Variants in LCT observed in about 807,000 individuals in gnomAD.
The protein encoded by LCT is lactase.
LCT carries 90 observed loss-of-function variants against 173.0 expected under a neutral mutation model. That is an observed-to-expected ratio of 0.52 (90% CI 0.44 to 0.62). The LOEUF is 0.62. Ranked by LOEUF, LCT falls within the 20% of genes least tolerant of loss-of-function variation. The probability of loss-of-function intolerance (pLI) is 0.00; values close to 1 mark genes in which losing one functional copy is unlikely to be tolerated. For synonymous variants in LCT, 853 were observed against 957.6 expected (o/e 0.89, Z 2.02); for missense variants, 1,864 against 2,431.4 (o/e 0.77, Z 4.91).
chr2:135,824,786 T>G (rs1409047476), intron 3 of LCT, among the ~76,000 whole-genome samples: 1 of 152,058 alleles, frequency 6.6e-6, no homozygotes, highest in Non-Finnish European at 1.5e-5. Context: ...GCGGATCACC[T>G]GAGGTCAGGA....
intron 13 of LCT, among the ~76,000 whole-genome samples, 168 bp downstream of exon 13, chr2:135,797,860 AC>A (rs2077594842): frequency 6.6e-6 from 1 of 151,938 alleles, no homozygotes; most frequent in African/African-American, 2.4e-5. Context: ...ATAATAGCAA[AC>A]CCCTCTGTCA....
intron 6 of LCT, among the ~76,000 whole-genome samples, chr2:135,815,743 A>G (rs1451069829): frequency 6.6e-6 from 1 of 152,090 alleles, no homozygotes; most frequent in Non-Finnish European, 1.5e-5. Context: ...CAGGCTGCCC[A>G]GGCTGGAGTG....
At chr2:135,824,131 A>C in intron 3 of LCT, 128 bp from the exon 4 acceptor site, 2 of 713,112 alleles carry the variant, frequency 2.8e-6, no homozygotes, top group Non-Finnish European at 5.2e-6. Context: ...TAAGTATCTC[A>C]GTTAATTAAA....
intron 2 of LCT, among the ~76,000 whole-genome samples, chr2:135,831,168 G>A (rs76514447): frequency 0.015 from 2,334 of 152,304 alleles, 49 homozygotes; most frequent in African/African-American, 0.053. Flanking sequence ...TAAGGGTCCG[G>A]GTGGGGACAG....
rs141215335 is a variant in LCT, at chr2:135,793,545, G to C, written c.5111+1096C>G. ...GAAGGAACCAGAAATGTTAATTCTG[G>C]TAATATGACAAAACAAGGTTCTATA... On this transcript the variant is annotated intron_variant, in intron 14 of 16. Transcript: ENST00000264162. 2.0e-3 allele frequency among the ~76,000 whole-genome samples: 298 copies of C among 152,250 alleles called. 1 individual carries two copies. Among genetic ancestry groups the C allele is most frequent in the African/African-American group, 6.8e-3 (282 of 41,532 alleles).
chr2:135,830,390 C>T (rs760384841), intron 2 of LCT, among the ~76,000 whole-genome samples: 4 of 152,116 alleles, frequency 2.6e-5, no homozygotes, highest in South Asian at 2.1e-4. Context: ...CCCAGTGCTG[C>T]GCTCCCCTCC....
At chr2:135,818,815 C>A (rs1352940295) in intron 5 of LCT, among the ~76,000 whole-genome samples, 1 of 152,142 alleles carries the variant, frequency 6.6e-6, no homozygotes, top group African/African-American at 2.4e-5. Flanking sequence ...CCAGCCTGGG[C>A]AACAAGAGTG....
Position 135,818,105 on chromosome 2 carries a change from G to C in LCT, c.987-44C>G. 3 of 1,610,664 alleles carry C rather than the reference G, an allele frequency of 1.9e-6. No individual in the cohort carries two copies. In the South Asian group the frequency reaches 3.3e-5, roughly 18 times the overall value. On this transcript the variant is annotated intron_variant, in intron 5 of 16. Transcript: ENST00000264162. ...AAAAAGGGACATAATAATGAATGACGCTGGCAGTTACAAATGCCCCCTACG... is the reference window on the plus strand; with the variant it reads ...AAAAAGGGACATAATAATGAATGACCCTGGCAGTTACAAATGCCCCCTACG...
intron 11 of LCT, among the ~76,000 whole-genome samples, chr2:135,802,640 C>T (rs920814681): frequency 2.0e-5 from 3 of 152,100 alleles, no homozygotes; most frequent in African/African-American, 7.2e-5. Flanking sequence ...TGTTCTTACT[C>T]ACATGTGGGA....
chr2:135,789,341 T>G (rs961947048), intron 16 of LCT, among the ~76,000 whole-genome samples: 2 of 152,222 alleles, frequency 1.3e-5, no homozygotes, highest in African/African-American at 2.4e-5. Flanking sequence ...TAGACCTGCT[T>G]ATTCCCAGGT....
chr2:135,817,995 C>T lies in LCT; in HGVS notation c.1053G>A (p.Thr351=), dbSNP rs1029530520. The T allele has an allele frequency of 1.2e-5, 19 of 1,613,296 alleles. No individual in the cohort carries two copies. The highest frequency in any genetic ancestry group is 1.4e-5 in the Non-Finnish European group (16 of 1,179,964). ...QPDQQQDHET[T]DSSPASAYQR... is the part of the protein sequence containing the mutation. Reference sequence around the variant, plus strand: ...GATAGGCAGAGGCAGGAGAGGAGTCCGTGGTCTCGTGGTCCTGCTGCTGGT... The same window carrying T: ...GATAGGCAGAGGCAGGAGAGGAGTCTGTGGTCTCGTGGTCCTGCTGCTGGT... Residue 351 remains threonine (T), a synonymous_variant, in exon 6 of 17, where the codon ACG becomes ACA. Transcript: ENST00000264162.
intron 11 of LCT, among the ~76,000 whole-genome samples, 156 bp downstream of exon 11, chr2:135,803,774 A>G (rs914518124): frequency 7.9e-5 from 12 of 152,234 alleles, no homozygotes; most frequent in African/African-American, 2.9e-4. Flanking sequence ...TAACAATGCA[A>G]TGCCAGGAGG....
chr2:135,821,996 GT>G (rs1432196709), intron 5 of LCT, 23 bp downstream of exon 5: 1 of 1,332,964 alleles, frequency 7.5e-7, no homozygotes, highest in African/African-American at 1.4e-5. Flanking sequence ...GTTATTGATA[GT>G]TCAATAGGCA....
chr2:135,822,185 G>A (rs112151883), intron 4 of LCT, 87 bp from the exon 5 acceptor site: 8 of 834,492 alleles, frequency 9.6e-6, no homozygotes, highest in Non-Finnish European at 1.3e-5. Context: ...TCGCTCATAC[G>A]ACACACCCAA....
chr2:135,823,881 T>C lies in LCT; in HGVS notation c.907+20A>G, dbSNP rs1463439331. ...TGCACCAGATGTCACTCAAAACCTC[T>C]TCAGCAATGGCCCACTCACCTTCAA... is the stretch of plus-strand genomic sequence containing the variant. On this transcript the variant is annotated intron_variant, in intron 4 of 16. Coordinates refer to ENST00000264162, the MANE Select transcript of LCT (RefSeq NM_002299.4). 1 of 1,533,598 alleles carries C rather than the reference T, an allele frequency of 6.5e-7. No homozygotes were observed. 95.0% of individuals were successfully genotyped at this position (1,533,598 alleles called of 1,614,324 possible). A position where few individuals can be genotyped will look rare whatever the true frequency, so the allele number is the denominator to read the frequency against.
intron 1 of LCT, among the ~76,000 whole-genome samples, chr2:135,834,397 G>A (rs1417413436): frequency 6.6e-6 from 1 of 150,502 alleles, no homozygotes; most frequent in Non-Finnish European, 1.5e-5. Flanking sequence ...GTGTTAGCCA[G>A]GATGGTCTCG....
chr2:135,829,196 A>C (rs2077912757), intron 3 of LCT, among the ~76,000 whole-genome samples: 1 of 152,122 alleles, frequency 6.6e-6, no homozygotes, highest in Non-Finnish European at 1.5e-5. Flanking sequence ...ATCTCAAAAA[A>C]AAAAATTACC....
intron 8 of LCT, among the ~76,000 whole-genome samples, chr2:135,807,712 G>A (rs569526566): frequency 6.6e-6 from 1 of 152,164 alleles, no homozygotes; most frequent in South Asian, 2.1e-4. Context: ...GGGAGGCTGA[G>A]GCAATAGAAT....
At chr2:135,793,303 G>A (rs1055092410) in intron 14 of LCT, among the ~76,000 whole-genome samples, 23 of 152,108 alleles carry the variant, frequency 1.5e-4, no homozygotes, top group Admixed American at 1.2e-3. Flanking sequence ...AGGACTCTTT[G>A]CAGACATTCC....
Sources: allele counts gnomAD v4.1 joint callset (sites outside exome capture counted in the v4.1 genomes callset), GRCh38; gene constraint gnomAD v4.1.1; transcripts MANE v1.5; gene names NCBI Gene and HGNC (gene_info 2026-07-23, HGNC 2026-07-21).